Variants in PSME3IP1 observed in about 807,000 individuals in gnomAD.
PSME3IP1 encodes the protein proteasome activator subunit 3 interacting protein 1, also known as PSME3-interacting protein.
A neutral mutation model predicts 34.1 loss-of-function variants in PSME3IP1; 13 were observed. The observed-to-expected ratio is 0.38, with a 90% CI of 0.25 to 0.61. The LOEUF (loss-of-function observed/expected upper bound fraction) is 0.61. PSME3IP1 is among the 20% of genes least tolerant of loss of function. The probability of loss-of-function intolerance (pLI) is 0.60; values close to 1 mark genes in which losing one functional copy is unlikely to be tolerated. For synonymous variants in PSME3IP1, 93 were observed against 114.3 expected (o/e 0.81, Z 1.19); for missense variants, 237 against 301.4 (o/e 0.79, Z 1.58).
intron 4 of PSME3IP1, among the ~76,000 whole-genome samples, chr16:57,170,081 C>CTTTTT (rs869047118): frequency 1.6e-5 from 2 of 125,948 alleles, no homozygotes; most frequent in Non-Finnish European, 3.4e-5. Context: ...CCATACAACG[C>CTTTTT]TTTTTTTTTT....
At chr16:57,161,661 C>T (rs375116125) in intron 6 of PSME3IP1, among the ~76,000 whole-genome samples, 66 of 151,436 alleles carry the variant, frequency 4.4e-4, no homozygotes, top group African/African-American at 1.5e-3. Context: ...TACAGGCATC[C>T]GCCAGCACAC....
intron 1 of PSME3IP1, among the ~76,000 whole-genome samples, chr16:57,176,242 G>A (rs759508520): frequency 5.3e-5 from 8 of 152,134 alleles, no homozygotes; most frequent in Non-Finnish European, 1.0e-4. Context: ...GAGACATTCC[G>A]AACCCTCAAT....
chr16:57,160,865 T>G (rs2071150340), intron 6 of PSME3IP1, among the ~76,000 whole-genome samples: 2 of 152,144 alleles, frequency 1.3e-5, no homozygotes, highest in Non-Finnish European at 2.9e-5. Context: ...TGATCAACCT[T>G]CCAGATCAAA....
At chr16:57,174,717 T>C in intron 1 of PSME3IP1, 4 of 983,294 alleles carry the variant, frequency 4.1e-6, no homozygotes, top group Non-Finnish European at 4.8e-6. Flanking sequence ...GCACAAACCA[T>C]GAATGGAGAA....
intron 4 of PSME3IP1, among the ~76,000 whole-genome samples, chr16:57,168,438 A>T (rs1222944854): frequency 6.6e-6 from 1 of 152,166 alleles, no homozygotes; most frequent in African/African-American, 2.4e-5. Flanking sequence ...TACTATTATG[A>T]GTTTAATGAA....
intron 1 of PSME3IP1, chr16:57,178,941 A>T (rs2073441376): frequency 3.4e-6 from 1 of 290,098 alleles, no homozygotes; most frequent in Non-Finnish European, 5.2e-6. Context: ...GTTGACTTCT[A>T]ATTCCTATTG....
At chr16:57,177,996 AAATT>A (rs772103160) in intron 1 of PSME3IP1, among the ~76,000 whole-genome samples, 6 of 152,360 alleles carry the variant, frequency 3.9e-5, no homozygotes, top group South Asian at 2.1e-4. Flanking sequence ...CTCAATAAAT[AAATT>A]AATTAATTAG....
chr16:57,167,314 G>T, intron 4 of PSME3IP1, 88 bp from the exon 5 acceptor site: 1 of 1,439,674 alleles, frequency 6.9e-7, no homozygotes, highest in South Asian at 1.2e-5. Flanking sequence ...TGTAATGTCT[G>T]GCCTACTTAT....
intron 4 of PSME3IP1, among the ~76,000 whole-genome samples, chr16:57,168,893 A>G (rs568942854): frequency 2.0e-5 from 3 of 151,252 alleles, no homozygotes; most frequent in Non-Finnish European, 2.9e-5. Flanking sequence ...TTTATCTGCA[A>G]CTCCATCATT....
chr16:57,154,811 A>G lies in PSME3IP1; in HGVS notation c.548-304T>C, dbSNP rs2070329597. 6.6e-6 allele frequency among the ~76,000 whole-genome samples: 1 copy of G among 152,170 alleles called. No individual in the cohort carries two copies. Among genetic ancestry groups the G allele is most frequent in the Admixed American group, 6.5e-5 (1 of 15,272 alleles). On this transcript the variant is annotated intron_variant, in intron 6 of 6. Transcript: ENST00000309137. This position sits in a 1 kb window ranked among gnomAD's most constrained non-coding sequence, Gnocchi z 4.0. ...CCCCATCAAATCCGAGTTGGAGAAC[A>G]AGCTACTCTGGAGTGTAGCCTAGAG... is the stretch of plus-strand genomic sequence containing the variant.
rs748040990 is a variant in PSME3IP1 at position 57,173,781 on chromosome 16, C to T, written c.74G>A (p.Arg25His). The change falls in exon 2 of 7, where the codon CGC becomes CAC. Residue 25 changes from arginine (R) to histidine (H), a missense_variant. Arg to His is a conservative substitution (Grantham distance 29, BLOSUM62 0). Transcript: ENST00000309137. Reference sequence around the variant, plus strand: ...CTCCCATTCTTCTTGCCTCCTTTTGCGCCGTTCATCTAGTTCTGCCTCAGA... The same window carrying T: ...CTCCCATTCTTCTTGCCTCCTTTTGTGCCGTTCATCTAGTTCTGCCTCAGA... ...FVSEAELDER[R>H]KRRQEEWEKV... 16 of 1,614,034 alleles carry T rather than the reference C, an allele frequency of 9.9e-6. No homozygotes were observed. The highest frequency in any genetic ancestry group is 2.2e-5 in the East Asian group (1 of 44,886).
Position 57,153,611 on chromosome 16 carries a change from G to C in PSME3IP1, c.*679C>G, listed in dbSNP as rs2070168183. On this transcript the variant is annotated 3_prime_UTR_variant, in exon 7 of 7. Transcript: ENST00000309137. ...CCAGGCAGAGAAAAGGTTTGAGATGGAAGCGTTCTTGTTAGCAGTCCCTTC... is the reference window on the plus strand; with the variant it reads ...CCAGGCAGAGAAAAGGTTTGAGATGCAAGCGTTCTTGTTAGCAGTCCCTTC... 1 of 152,198 alleles carries C rather than the reference G, an allele frequency of 6.6e-6. No homozygotes were observed. Among genetic ancestry groups the C allele is most frequent in the African/African-American group, 2.4e-5 (1 of 41,456 alleles). The allele number at this position is 152,198 out of a possible 1,614,324, so 9.4% of individuals were successfully genotyped here.
At position 57,154,539 on chromosome 16, in the gene PSME3IP1, T is replaced by C; in HGVS notation, c.548-32A>G. ...TAAAAGGGGAAAGACTGTCACTTCA[T>C]CACCCTTTTCCAAAGTTGGGGACTG... On this transcript the variant is annotated intron_variant, in intron 6 of 6. Coordinates refer to ENST00000309137, the MANE Select transcript of PSME3IP1 (RefSeq NM_024946.4). The surrounding 1 kb of genome is among the most constrained non-coding windows in gnomAD (Gnocchi z 4.0). 1 of 1,541,686 alleles carries C rather than the reference T, an allele frequency of 6.5e-7. No individual in the cohort carries two copies. Among genetic ancestry groups the C allele is most frequent in the Non-Finnish European group, 8.8e-7 (1 of 1,139,738 alleles).
At chr16:57,179,677 C>T (rs574426008) in intron 1 of PSME3IP1, among the ~76,000 whole-genome samples, 158 of 152,332 alleles carry the variant, frequency 1.0e-3, no homozygotes, top group African/African-American at 3.6e-3. Flanking sequence ...CCATATCCTT[C>T]TAATTCTAAA....
At chr16:57,177,054 T>C (rs1219903382) in intron 1 of PSME3IP1, among the ~76,000 whole-genome samples, 1 of 152,006 alleles carries the variant, frequency 6.6e-6, no homozygotes, top group Non-Finnish European at 1.5e-5. Flanking sequence ...GGGCTTTCAT[T>C]ATGTTGGCCA....
intron 6 of PSME3IP1, among the ~76,000 whole-genome samples, chr16:57,157,154 A>T (rs2070631884): frequency 6.6e-6 from 1 of 152,028 alleles, no homozygotes; most frequent in African/African-American, 2.4e-5. Flanking sequence ...CAAAAAATTT[A>T]AAAAATTAGC....
At chr16:57,160,476 G>C (rs1287051660) in intron 6 of PSME3IP1, among the ~76,000 whole-genome samples, 1 of 152,136 alleles carries the variant, frequency 6.6e-6, no homozygotes, top group Non-Finnish European at 1.5e-5. Flanking sequence ...AGGGCAATTT[G>C]GCAATATTTA....
At chr16:57,159,363 T>C (rs1314378004) in intron 6 of PSME3IP1, among the ~76,000 whole-genome samples, 1 of 152,244 alleles carries the variant, frequency 6.6e-6, no homozygotes, top group Non-Finnish European at 1.5e-5. Flanking sequence ...TGCCAACTTC[T>C]GCATTTGCAG....
chr16:57,163,949 T>G, intron 6 of PSME3IP1, 52 bp downstream of exon 6: 1 of 1,522,466 alleles, frequency 6.6e-7, no homozygotes, highest in South Asian at 1.1e-5. Flanking sequence ...AGCCCTTTAC[T>G]GTGGTTCATG....
Sources: gnomAD v4.1 joint callset for allele counts (sites outside exome capture counted in the v4.1 genomes callset) on GRCh38, gnomAD v4.1.1 for gene constraint, Gnocchi (gnomAD v3.1) non-coding constraint, MANE v1.5 for transcripts, NCBI Gene and HGNC (gene_info 2026-07-23, HGNC 2026-07-21) for gene names.